HSH2D: variants seen among roughly 807,000 people sequenced by gnomAD.
HSH2D encodes hematopoietic SH2 domain-containing protein.
In HSH2D, 16 loss-of-function variants were observed where a neutral mutation model predicts 21.5. That is an observed-to-expected ratio of 0.74 (90% confidence interval 0.50 to 1.13). The LOEUF (loss-of-function observed/expected upper bound fraction) is 1.13, where lower values mean the gene tolerates loss of function less well. Among genes scored for constraint, HSH2D ranks in the 50% most tolerant of loss-of-function variants. HSH2D has a pLI of 0.00. For missense variants in HSH2D, 418 were observed against 441.4 expected (o/e 0.95, Z 0.47); for synonymous variants, 172 against 184.7 (o/e 0.93, Z 0.56).
intron 2 of HSH2D, among the ~76,000 whole-genome samples, chr19:16,150,181 G>A (rs751192878): frequency 2.0e-5 from 3 of 152,100 alleles, no homozygotes; most frequent in Non-Finnish European, 2.9e-5. Flanking sequence ...ATGCTGAGGC[G>A]GGAGGATCGC....
Position 16,157,594 on chromosome 19 carries a change from A to C in HSH2D, c.859A>C (p.Lys287Gln). Reference protein sequence around the residue: ...PSQPQAPKDRKVPTRKAERSV... With the variant: ...PSQPQAPKDRQVPTRKAERSV... ...ACAGCCCCAGGCACCAAAAGACAGA[A>C]AGGTCCCCACCAGGAAGGCCGAGAG... The change falls in exon 6 of 6, where the codon AAG (lysine) becomes CAG (glutamine). Residue 287 changes from lysine to glutamine, a missense_variant. Coordinates refer to ENST00000613986, the MANE Select transcript of HSH2D (RefSeq NM_001382417.1). The surrounding 1 kb of genome is among the most constrained non-coding windows in gnomAD (Gnocchi z 4.4). 6.2e-7 allele frequency: 1 copy of C among 1,613,812 alleles called. No homozygotes were observed. Among genetic ancestry groups the C allele is most frequent in the Non-Finnish European group, 8.5e-7 (1 of 1,179,818 alleles).
upstream of HSH2D, among the ~76,000 whole-genome samples, chr19:16,142,499 C>T (rs557665922): frequency 1.3e-5 from 2 of 152,044 alleles, no homozygotes; most frequent in African/African-American, 2.4e-5. Flanking sequence ...GTTACACTCT[C>T]GCTGCCCAGG....
chr19:16,156,477 C>A (rs963406981), intron 5 of HSH2D, among the ~76,000 whole-genome samples: 1 of 152,184 alleles, frequency 6.6e-6, no homozygotes, highest in African/African-American at 2.4e-5. Context: ...AGCTATCACA[C>A]CTGGCCCCAC....
intron 2 of HSH2D, among the ~76,000 whole-genome samples, chr19:16,149,973 G>C (rs1277571653): frequency 6.6e-6 from 1 of 152,136 alleles, no homozygotes; most frequent in Non-Finnish European, 1.5e-5. Context: ...GCCACTCTCT[G>C]CATGCAGGAA....
chr19:16,135,342 T>A (rs1289916173), intron 1 of HSH2D, among the ~76,000 whole-genome samples: 1 of 151,694 alleles, frequency 6.6e-6, no homozygotes, highest in Non-Finnish European at 1.5e-5. Flanking sequence ...GGAGGGAGGA[T>A]CACTTGAGCC....
chr19:16,152,611 A>G lies in HSH2D; in HGVS notation c.185A>G (p.His62Arg). 1 of 1,520,270 alleles carries G rather than the reference A, an allele frequency of 6.6e-7. No individual in the cohort carries two copies. Among genetic ancestry groups the G allele is most frequent in the Non-Finnish European group, 8.8e-7 (1 of 1,136,946 alleles). The allele number at this position is 1,520,270 out of a possible 1,614,324, so 94.2% of individuals were successfully genotyped here. Residue 62 changes from histidine (H) to arginine (R), a missense_variant, in exon 3 of 6, where the codon CAC (histidine) becomes CGC (arginine). His to Arg is a conservative substitution (Grantham distance 29). Coordinates refer to ENST00000613986, the MANE Select transcript of HSH2D (RefSeq NM_001382417.1). ...PLGSFLIRVS[H>R]SHVGYTLSYK... ...GGATCCTTTCTCATCAGGGTCAGTC[A>G]CAGCCATGTGGGCTACACACTCTCC...
Position 16,157,675 on chromosome 19 carries a change from G to A in HSH2D, c.940G>A (p.Val314Met), listed in dbSNP as rs376819989. 3.1e-6 allele frequency: 5 copies of A among 1,613,334 alleles called. No homozygotes were observed. The African/African-American group carries it at 6.7e-5, about 22-fold the overall frequency. ...GGACAGGAGTTGGCACCAAATGGTA[G>A]TGAGAGCCCTATCCTCCCAGGAGTC... Reference protein sequence around the residue: ...PGDRSWHQMVVRALSSQESKP... With the variant: ...PGDRSWHQMVMRALSSQESKP... Residue 314 changes from valine to methionine, a missense_variant, in exon 6 of 6, where the codon GTG becomes ATG. By Grantham distance (21) the Val-to-Met change is conservative (BLOSUM62 1). Coordinates refer to ENST00000613986, the MANE Select transcript of HSH2D (RefSeq NM_001382417.1). The surrounding 1 kb of genome is among the most constrained non-coding windows in gnomAD (Gnocchi z 4.4).
intron 1 of HSH2D, among the ~76,000 whole-genome samples, chr19:16,137,057 C>G (rs2090968793): frequency 6.6e-6 from 1 of 152,142 alleles, no homozygotes; most frequent in African/African-American, 2.4e-5. Context: ...TCTCCATGGC[C>G]ATGAGATGAC....
chr19:16,134,522 A>G (rs1857309600), intron 1 of HSH2D, among the ~76,000 whole-genome samples: 1 of 152,140 alleles, frequency 6.6e-6, no homozygotes, highest in Non-Finnish European at 1.5e-5. Flanking sequence ...TGCACACACT[A>G]TGCTTTTAGA....
intron 1 of HSH2D, among the ~76,000 whole-genome samples, chr19:16,134,421 T>A (rs113648075): frequency 1.3e-5 from 2 of 152,038 alleles, no homozygotes; most frequent in Non-Finnish European, 2.9e-5. Flanking sequence ...GTAGGGAAGT[T>A]TTAATATCCG....
At position 16,153,139 on chromosome 19, in the gene HSH2D, C is replaced by G. The variant is rs1237771144; in HGVS notation, c.312C>G (p.Ala104=). 6.3e-7 allele frequency: 1 copy of G among 1,589,294 alleles called. No individual in the cohort carries two copies. Among genetic ancestry groups the G allele is most frequent in the South Asian group, 1.1e-5 (1 of 87,638 alleles). ...GEKVAHTSLD[A]LVTFHQQKPI... ...AGGTGGCCCACACCTCGCTGGACGC[C>G]CTGGTCACCTTCCACCAGCAGAAGC... is the stretch of plus-strand genomic sequence containing the variant. The change falls in exon 4 of 6, where the codon GCC becomes GCG. Residue 104 remains alanine, a synonymous_variant. Coordinates refer to ENST00000613986, the MANE Select transcript of HSH2D (RefSeq NM_001382417.1).
chr19:16,148,733 C>T lies in HSH2D; in HGVS notation c.-18C>T, dbSNP rs377596646. 1 of 1,613,914 alleles carries T rather than the reference C, an allele frequency of 6.2e-7. No homozygotes were observed. The highest frequency in any genetic ancestry group is 1.1e-5 in the South Asian group (1 of 91,080). On this transcript the variant is annotated 5_prime_UTR_variant, in exon 2 of 6. Coordinates refer to ENST00000613986, the MANE Select transcript of HSH2D (RefSeq NM_001382417.1). ...TCCCTTCTCTACCCAGGTGACCTTC[C>T]CTCCACCCCAGGAAGCTATGACAGA...
chr19:16,157,926 T>C lies in HSH2D; in HGVS notation c.*132T>C, dbSNP rs1227044265. ...GGGAACCCGGGAAATGGAATAAAGA[T>C]GTTTTTGGGGTCTGTTCCTGCACTC... On this transcript the variant is annotated 3_prime_UTR_variant, in exon 6 of 6. Transcript: ENST00000613986. This position sits in a 1 kb window ranked among gnomAD's most constrained non-coding sequence, Gnocchi z 4.4. The C allele has an allele frequency of 3.0e-6, 2 of 665,178 alleles. No homozygotes were observed. The highest frequency in any genetic ancestry group is 3.6e-5 in the African/African-American group (2 of 54,950). 41.2% of individuals were successfully genotyped at this position (665,178 alleles called of 1,614,324 possible).
intron 1 of HSH2D, among the ~76,000 whole-genome samples, chr19:16,135,442 A>G (rs1027021730): frequency 1.3e-5 from 2 of 151,710 alleles, no homozygotes; most frequent in African/African-American, 4.9e-5. Context: ...AAAAAAACAA[A>G]AAACCTCCCC....
Position 16,153,027 on chromosome 19 carries a change from CG to C in HSH2D, c.216-15del. On this transcript the variant is annotated splice_polypyrimidine_tract_variant and intron_variant, in intron 3 of 5. Transcript: ENST00000613986. ...AGGGGGAGTAGGATGTCCCAGCCCC[CG>C]CAGTGTCTCCGCAGAGCCCAAAGCA... 1 of 1,605,230 alleles carries C rather than the reference CG, an allele frequency of 6.2e-7. No individual in the cohort carries two copies. Among genetic ancestry groups the C allele is most frequent in the Non-Finnish European group, 8.5e-7 (1 of 1,176,176 alleles).
At chr19:16,140,093 T>C (rs974308038), upstream of HSH2D, among the ~76,000 whole-genome samples, 23 of 151,992 alleles carry the variant, frequency 1.5e-4, no homozygotes, top group African/African-American at 5.6e-4. Flanking sequence ...CTAAACCCCA[T>C]GCAAATAAGA....
intron 2 of HSH2D, among the ~76,000 whole-genome samples, chr19:16,150,750 C>A (rs1186205250): frequency 2.0e-5 from 3 of 151,312 alleles, no homozygotes; most frequent in Admixed American, 6.6e-5. Flanking sequence ...TCTGGCTACT[C>A]AGGAGGCTGA....
intron 2 of HSH2D, chr19:16,151,708 C>G (rs952100807): frequency 8.0e-6 from 3 of 374,606 alleles, no homozygotes; most frequent in African/African-American, 6.5e-5. Flanking sequence ...CAGACGCCTC[C>G]TAGCTCCTCG....
chr19:16,158,074 A>T lies in HSH2D; in HGVS notation c.*280A>T, dbSNP rs1363065918. 8.4e-6 allele frequency: 3 copies of T among 355,038 alleles called. No homozygotes were observed. The highest frequency in any genetic ancestry group is 1.5e-5 in the Non-Finnish European group (3 of 196,466). The allele number at this position is 355,038 out of a possible 1,614,324, so 22.0% of individuals were successfully genotyped here. ...ATTCATTATTTTACGCCTCAGAGCA[A>T]GGCCCTCAGGGAGGGTCATCCTCCA... On this transcript the variant is annotated 3_prime_UTR_variant, in exon 6 of 6. Transcript: ENST00000613986.
Sources: allele counts gnomAD v4.1 joint callset (sites outside exome capture counted in the v4.1 genomes callset), GRCh38; gene constraint gnomAD v4.1.1; non-coding constraint Gnocchi (gnomAD v3.1); transcripts MANE v1.5; gene names NCBI Gene and HGNC (gene_info 2026-07-23, HGNC 2026-07-21).